LSS: variants seen among roughly 807,000 people sequenced by gnomAD.
The protein encoded by LSS is lanosterol synthase.
In LSS, 90 loss-of-function variants were observed where a neutral mutation model predicts 110.3. That is an observed-to-expected ratio of 0.82 (90% confidence interval 0.69 to 0.97). LSS has a LOEUF of 0.97. Ranked by LOEUF, LSS falls within the 50% of genes least tolerant of loss-of-function variation. The pLI is 0.00. For synonymous variants in LSS, 433 were observed against 400.0 expected (o/e 1.08, Z -0.98); for missense variants, 927 against 990.0 (o/e 0.94, Z 0.85).
At chr21:46,195,892 A>T (rs947432281) in intron 18 of LSS, 136 bp from the exon 19 acceptor site, 1 of 713,938 alleles carries the variant, frequency 1.4e-6, no homozygotes, top group African/African-American at 1.7e-5. Flanking sequence ...AAGGCCGTGG[A>T]AGACAGCAGC....
chr21:46,223,950 A>G (rs1281012223), intron 3 of LSS, among the ~76,000 whole-genome samples: 1 of 152,052 alleles, frequency 6.6e-6, no homozygotes, highest in Non-Finnish European at 1.5e-5. Context: ...CCCCGGGGGA[A>G]TTTAGAGAAG....
At chr21:46,227,507 G>A in intron 3 of LSS, 45 bp downstream of exon 3, 1 of 1,610,248 alleles carries the variant, frequency 6.2e-7, no homozygotes, top group Non-Finnish European at 8.5e-7. Flanking sequence ...TCCCAAGGGT[G>A]ATCCAGGGTG....
chr21:46,210,542 T>A, intron 12 of LSS, 146 bp downstream of exon 12: 5 of 816,756 alleles, frequency 6.1e-6, no homozygotes, highest in Non-Finnish European at 9.8e-6. Flanking sequence ...AGCACGACCC[T>A]CTGAAGCCAG....
chr21:46,195,534 C>T (rs2079897430), intron 19 of LSS, 142 bp downstream of exon 19: 2 of 781,684 alleles, frequency 2.6e-6, no homozygotes, highest in Admixed American at 2.2e-5. Context: ...TGCATGTCAG[C>T]CCGGTTGACA....
At position 46,191,872 on chromosome 21, in the gene LSS, GC is replaced by G; in HGVS notation, c.2067+8del. On this transcript the variant is annotated splice_region_variant and intron_variant, in intron 21 of 21. Transcript: ENST00000397728. ...TGGGCCTTGTGCGCTCAGGTCCCTG[GC>G]GGCATACCTGCGGCCAGTCGCCATT... 6.2e-7 allele frequency: 1 copy of G among 1,611,582 alleles called. No homozygotes were observed. Among genetic ancestry groups the G allele is most frequent in the Admixed American group, 1.7e-5 (1 of 59,812 alleles).
At chr21:46,202,775 G>A (rs1202375728) in intron 17 of LSS, among the ~76,000 whole-genome samples, 1 of 152,282 alleles carries the variant, frequency 6.6e-6, no homozygotes, top group South Asian at 2.1e-4. Context: ...TACTCAGGAG[G>A]CTGAGGTGGG....
chr21:46,227,144 G>T (rs533435238), intron 3 of LSS, among the ~76,000 whole-genome samples: 2 of 152,336 alleles, frequency 1.3e-5, no homozygotes, highest in East Asian at 3.9e-4. Flanking sequence ...TGAACCTGAA[G>T]CTCTCCTGCA....
intron 13 of LSS, 132 bp from the exon 14 acceptor site, chr21:46,208,433 C>T: frequency 5.0e-6 from 4 of 795,706 alleles, no homozygotes. Flanking sequence ...CTCTGCCGGC[C>T]ACAGCCACCA....
At chr21:46,225,371 GCCAAGCGGAC>G (rs1370211901) in intron 3 of LSS, 1 of 453,002 alleles carries the variant, frequency 2.2e-6, no homozygotes, top group African/African-American at 2.0e-5. Context: ...GAGGCCCGTT[GCCAAGCGGAC>G]CCAACCGTGG....
rs924398781 is a variant in LSS at position 46,189,766 on chromosome 21, G to A, written c.*1338C>T. On this transcript the variant is annotated 3_prime_UTR_variant, in exon 22 of 22. Coordinates refer to ENST00000397728, the MANE Select transcript of LSS (RefSeq NM_002340.6). ...GGCAGGGAGGGGAAGAGCAGATAAG[G>A]AGGTATAGGGTGTGCCCTGGGCAAG... 6.1e-5 allele frequency: 28 copies of A among 456,714 alleles called. 1 individual carries two copies. The Admixed American group carries it at 6.3e-4, about 10-fold the overall frequency. 28.3% of individuals were successfully genotyped at this position (456,714 alleles called of 1,614,324 possible).
chr21:46,199,945 G>A (rs1241392631), intron 17 of LSS, among the ~76,000 whole-genome samples: 2 of 152,176 alleles, frequency 1.3e-5, no homozygotes. Flanking sequence ...GACTCTGGAC[G>A]ATAATAATTT....
Position 46,204,508 on chromosome 21 carries a change from G to A in LSS, c.1670+1328C>T, listed in dbSNP as rs866382566. ...TGCATGAATCAGTGTAAAGCTGAGT[G>A]GAAATGGGAAGACTCCCCAGACTGA... On this transcript the variant is annotated intron_variant, in intron 17 of 21. Coordinates refer to ENST00000397728, the MANE Select transcript of LSS (RefSeq NM_002340.6). Among the ~76,000 whole-genome samples the A allele has an allele frequency of 1.2e-3, 187 of 151,708 alleles. 1 individual carries two copies. The highest frequency in any genetic ancestry group is 4.2e-3 in the African/African-American group (175 of 41,388).
chr21:46,189,487 G>T lies in LSS; in HGVS notation c.*1617C>A. On this transcript the variant is annotated 3_prime_UTR_variant, in exon 22 of 22. Transcript: ENST00000397728. Reference sequence around the variant, plus strand: ...ACAGGCAGCTGACCAAGCCCTGCAGGGCTCTGAGCAGGCAGGCGAGTCCCA... The same window carrying T: ...ACAGGCAGCTGACCAAGCCCTGCAGTGCTCTGAGCAGGCAGGCGAGTCCCA... The T allele has an allele frequency of 2.8e-6, 1 of 355,576 alleles. No individual in the cohort carries two copies. Among genetic ancestry groups the T allele is most frequent in the Non-Finnish European group, 5.6e-6 (1 of 179,356 alleles). The allele number at this position is 355,576 out of a possible 1,614,324, so 22.0% of individuals were successfully genotyped here.
intron 6 of LSS, 102 bp downstream of exon 6, chr21:46,219,374 C>A (rs1230862340): frequency 1.4e-6 from 1 of 721,162 alleles, no homozygotes; most frequent in South Asian, 2.3e-5. Context: ...AGAATGCCCA[C>A]CCCTCTCTGC....
chr21:46,216,614 A>T lies in LSS; in HGVS notation c.648-90T>A. On this transcript the variant is annotated intron_variant, in intron 6 of 21. Transcript: ENST00000397728. This position sits in a 1 kb window ranked among gnomAD's most constrained non-coding sequence, Gnocchi z 4.2. ...CATACCTTGGGCCCTTTCAAGCACG[A>T]ACACTGGTGGATGGCTATTCCCCAC... The T allele has an allele frequency of 7.0e-7, 1 of 1,418,670 alleles. No individual in the cohort carries two copies. Among genetic ancestry groups the T allele is most frequent in the Non-Finnish European group, 9.3e-7 (1 of 1,072,288 alleles). 87.9% of individuals were successfully genotyped at this position (1,418,670 alleles called of 1,614,324 possible).
chr21:46,216,598 G>A lies in LSS; in HGVS notation c.648-74C>T. The A allele has an allele frequency of 3.4e-6, 5 of 1,457,244 alleles. No individual in the cohort carries two copies. Among genetic ancestry groups the A allele is most frequent in the Non-Finnish European group, 4.5e-6 (5 of 1,100,076 alleles). 90.3% of individuals were successfully genotyped at this position (1,457,244 alleles called of 1,614,324 possible). A position where few individuals can be genotyped will look rare whatever the true frequency, so the allele number is the denominator to read the frequency against. Reference sequence around the variant, plus strand: ...CCCCTCCGCCAGCATCCATACCTTGGGCCCTTTCAAGCACGAACACTGGTG... The same window carrying A: ...CCCCTCCGCCAGCATCCATACCTTGAGCCCTTTCAAGCACGAACACTGGTG... On this transcript the variant is annotated intron_variant, in intron 6 of 21. Transcript: ENST00000397728. The surrounding 1 kb of genome is among the most constrained non-coding windows in gnomAD (Gnocchi z 4.2).
intron 5 of LSS, among the ~76,000 whole-genome samples, chr21:46,219,795 G>A (rs1230616440): frequency 6.6e-6 from 1 of 152,184 alleles, no homozygotes; most frequent in Non-Finnish European, 1.5e-5. Flanking sequence ...TGGCTTTCCT[G>A]GGAGTGTGTG....
chr21:46,207,416 C>T lies in LSS; in HGVS notation c.1467+12G>A. On this transcript the variant is annotated intron_variant, in intron 15 of 21. Coordinates refer to ENST00000397728, the MANE Select transcript of LSS (RefSeq NM_002340.6). The stretch of plus-strand genomic sequence containing the variant: ...CGAGGTATGGACGGGGCTGCTGGGA[C>T]CACAGCCTTACCACAGCCACAGCAT... 6.2e-7 allele frequency: 1 copy of T among 1,610,792 alleles called. No individual in the cohort carries two copies. Among genetic ancestry groups the T allele is most frequent in the Non-Finnish European group, 8.5e-7 (1 of 1,179,228 alleles).
chr21:46,221,773 A>G, intron 5 of LSS, 81 bp downstream of exon 5: 1 of 1,593,354 alleles, frequency 6.3e-7, no homozygotes, highest in Non-Finnish European at 8.6e-7. Flanking sequence ...CTGCAAGTGC[A>G]TCTTTCTGTA....
Sources: gnomAD v4.1 joint callset for allele counts (sites outside exome capture counted in the v4.1 genomes callset) on GRCh38, gnomAD v4.1.1 for gene constraint, Gnocchi (gnomAD v3.1) non-coding constraint, MANE v1.5 for transcripts, NCBI Gene and HGNC (gene_info 2026-07-23, HGNC 2026-07-21) for gene names.